Variants in PNPLA8 observed in about 807,000 individuals in gnomAD.
PNPLA8 encodes the protein patatin like domain 8, phospholipase A2.
Under a neutral mutation model 76.9 loss-of-function variants are expected in PNPLA8, and 39 were observed. That is an observed-to-expected ratio of 0.51 (90% CI 0.39 to 0.66). PNPLA8 has a LOEUF of 0.66. Ranked by LOEUF, PNPLA8 falls within the 30% of genes least tolerant of loss-of-function variation. PNPLA8 has a pLI of 0.00. For synonymous variants in PNPLA8, 301 were observed against 307.9 expected (o/e 0.98, Z 0.24); for missense variants, 887 against 918.0 (o/e 0.97, Z 0.44).
At chr7:108,520,906 T>TA (rs922782145) in intron 2 of PNPLA8, among the ~76,000 whole-genome samples, 2 of 151,870 alleles carry the variant, frequency 1.3e-5, no homozygotes, top group African/African-American at 4.8e-5. Context: ...ATTTAAAAAA[T>TA]AAAAAATAAT....
At chr7:108,473,674 T>G (rs894856755) in intron 10 of PNPLA8, among the ~76,000 whole-genome samples, 1 of 152,214 alleles carries the variant, frequency 6.6e-6, no homozygotes, top group African/African-American at 2.4e-5. Flanking sequence ...TACTTATTAG[T>G]CATTTGTATA....
rs138887728 is a variant in PNPLA8 at position 108,514,467 on chromosome 7, T to G, written c.1025A>C (p.Glu342Ala). The G allele has an allele frequency of 2.2e-5, 36 of 1,612,126 alleles. No individual in the cohort carries two copies. In the African/African-American group the frequency reaches 4.5e-4, roughly 20 times the overall value. ...QAVSKDRNAE[E>A]KKRLSLQREK... ...TCGCTGAAGAGATAAACGCTTTTTCTCCTCTGCATTTCTGTCTTTGCTGAC... is the reference window on the plus strand; with the variant it reads ...TCGCTGAAGAGATAAACGCTTTTTCGCCTCTGCATTTCTGTCTTTGCTGAC... Residue 342 changes from glutamate (E) to alanine (A), a missense_variant, in exon 3 of 11, where the codon GAG (glutamate) becomes GCG (alanine). Physicochemically the swap from Glu to Ala is moderately radical, Grantham distance 107. Coordinates refer to ENST00000257694, the MANE Select transcript of PNPLA8 (RefSeq NM_001256007.3).
intron 4 of PNPLA8, among the ~76,000 whole-genome samples, chr7:108,509,969 T>C (rs925556818): frequency 9.7e-5 from 13 of 134,406 alleles, no homozygotes; most frequent in East Asian, 6.6e-4. Context: ...TAGATGGGAA[T>C]TGAACAATGA....
upstream of PNPLA8, chr7:108,526,232 T>G (rs1598995260): frequency 3.2e-6 from 1 of 313,358 alleles, no homozygotes; most frequent in Non-Finnish European, 4.6e-6. Flanking sequence ...CGGGCCGGGG[T>G]GAGGATTTTC....
chr7:108,472,394 A>C lies in PNPLA8; in HGVS notation c.*7T>G, dbSNP rs372890266. 6.5e-6 allele frequency: 10 copies of C among 1,537,972 alleles called. No individual in the cohort carries two copies. In the African/African-American group the frequency reaches 1.4e-4, roughly 21 times the overall value. On this transcript the variant is annotated 3_prime_UTR_variant, in exon 11 of 11. Transcript: ENST00000257694. The stretch of plus-strand genomic sequence containing the variant: ...CCTTCATTTATGAGAACATAAGCAT[A>C]TACTCATCACAATTTTGAAAAGAAT...
At chr7:108,498,098 T>A (rs1598913312) in intron 5 of PNPLA8, among the ~76,000 whole-genome samples, 2 of 113,194 alleles carry the variant, frequency 1.8e-5, no homozygotes, top group Non-Finnish European at 3.8e-5. Context: ...AATACAAAGA[T>A]ATGCCAATAT....
intron 2 of PNPLA8, 32 bp from the exon 3 acceptor site, chr7:108,515,606 A>C (rs40877): frequency 0.4 from 492,866 of 1,225,254 alleles, 102,212 homozygotes; most frequent in African/African-American, 0.48. Context: ...TTAGAATTCA[A>C]GTTAAAAATT....
intron 4 of PNPLA8, among the ~76,000 whole-genome samples, chr7:108,506,783 T>C (rs1374421620): frequency 6.6e-6 from 1 of 151,924 alleles, no homozygotes; most frequent in Non-Finnish European, 1.5e-5. Context: ...CACAACTAAA[T>C]TATGCTGCTA....
chr7:108,513,055 T>G (rs1031715943), intron 4 of PNPLA8, among the ~76,000 whole-genome samples: 3 of 152,142 alleles, frequency 2.0e-5, no homozygotes, highest in African/African-American at 7.2e-5. Context: ...CATCAAATTG[T>G]TGGTGCCTTG....
intron 7 of PNPLA8, among the ~76,000 whole-genome samples, chr7:108,492,732 G>A (rs949797606): frequency 2.0e-5 from 3 of 152,100 alleles, no homozygotes; most frequent in African/African-American, 7.2e-5. Context: ...AATAAACAAT[G>A]GGCGAAAAAA....
intron 4 of PNPLA8, 80 bp from the exon 5 acceptor site, chr7:108,502,722 C>A (rs923712630): frequency 2.7e-5 from 25 of 914,310 alleles, no homozygotes; most frequent in Non-Finnish European, 3.9e-5. Context: ...CCAATACATG[C>A]AGTTCACCAC....
intron 7 of PNPLA8, among the ~76,000 whole-genome samples, chr7:108,495,923 TAGA>T (rs1227582486): frequency 6.6e-6 from 1 of 152,158 alleles, no homozygotes; most frequent in African/African-American, 2.4e-5. Context: ...TCTAATAAAC[TAGA>T]AGGAGATATA....
chr7:108,505,340 ATATATATATATATTTTTTTTTTTT>A (rs1862318231), intron 4 of PNPLA8, among the ~76,000 whole-genome samples: 2 of 5,564 alleles, frequency 3.6e-4, no homozygotes, highest in African/African-American at 9.8e-4. Flanking sequence ...ATATATATAT[ATATATATATATATTTTTTTTTTTT>A]TTTTTTTTTT....
intron 5 of PNPLA8, among the ~76,000 whole-genome samples, chr7:108,499,373 C>A (rs1861785339): frequency 6.6e-6 from 1 of 152,126 alleles, no homozygotes; most frequent in Non-Finnish European, 1.5e-5. Flanking sequence ...GCCAAGTTGC[C>A]ACAGCTGTCT....
At chr7:108,498,108 T>C (rs938813232) in intron 5 of PNPLA8, among the ~76,000 whole-genome samples, 1 of 83,980 alleles carries the variant, frequency 1.2e-5, no homozygotes, top group Non-Finnish European at 2.5e-5. Context: ...TATGCCAATA[T>C]AAAATTGAAA....
At chr7:108,487,659 T>C in intron 9 of PNPLA8, 100 bp downstream of exon 9, 1 of 565,936 alleles carries the variant, frequency 1.8e-6, no homozygotes, top group East Asian at 3.1e-5. Context: ...AAGAAGAAAG[T>C]CTCCTAGGTT....
chr7:108,513,495 T>G (rs1362024596), intron 4 of PNPLA8, among the ~76,000 whole-genome samples: 2 of 152,084 alleles, frequency 1.3e-5, no homozygotes, highest in African/African-American at 4.8e-5. Context: ...TCTAATGAAA[T>G]GTAAGCAGTA....
chr7:108,491,078 G>T lies in PNPLA8; in HGVS notation c.1683+332C>A, dbSNP rs559990386. Among the ~76,000 whole-genome samples the T allele has an allele frequency of 6.6e-5, 10 of 152,222 alleles. No homozygotes were observed. The East Asian group carries it at 1.9e-3, about 30-fold the overall frequency. On this transcript the variant is annotated intron_variant, in intron 8 of 10. Transcript: ENST00000257694. ...CCAGCACTTTGGGAGGCCAAGGCGGGCAGATCACCTGAGTTTGGGAGTTTG... is the reference window on the plus strand; with the variant it reads ...CCAGCACTTTGGGAGGCCAAGGCGGTCAGATCACCTGAGTTTGGGAGTTTG...
chr7:108,491,684 T>C (rs1456573384), intron 7 of PNPLA8, among the ~76,000 whole-genome samples: 1 of 152,188 alleles, frequency 6.6e-6, no homozygotes, highest in Non-Finnish European at 1.5e-5. Flanking sequence ...TGCAAGTATC[T>C]ACAGTTCTGA....
Sources: gnomAD v4.1 joint callset for allele counts (sites outside exome capture counted in the v4.1 genomes callset) on GRCh38, gnomAD v4.1.1 for gene constraint, MANE v1.5 for transcripts, NCBI Gene and HGNC (gene_info 2026-07-23, HGNC 2026-07-21) for gene names.